Variants in EBF1 observed in about 807,000 individuals in gnomAD.
The protein encoded by EBF1 is transcription factor COE1.
A neutral mutation model predicts 68.4 loss-of-function variants in EBF1; 10 were observed. The ratio of observed to expected loss-of-function variants is 0.15; its 90% confidence interval spans 0.09 to 0.25. The LOEUF is 0.25. Ranked by LOEUF, EBF1 falls within the 10% of genes least tolerant of loss-of-function variation. EBF1 has a pLI of 1.00. For synonymous variants in EBF1, 298 were observed against 299.8 expected (o/e 0.99, Z 0.06); for missense variants, 509 against 794.4 (o/e 0.64, Z 4.32).
At chr5:159,004,729 A>C (rs536479139) in intron 6 of EBF1, among the ~76,000 whole-genome samples, 1 of 152,292 alleles carries the variant, frequency 6.6e-6, no homozygotes, top group Non-Finnish European at 1.5e-5. Context: ...ACTGAATGTC[A>C]CATTATCTCA....
intron 10 of EBF1, among the ~76,000 whole-genome samples, chr5:158,759,524 T>C (rs1272831924): frequency 6.6e-6 from 1 of 152,178 alleles, no homozygotes; most frequent in African/African-American, 2.4e-5. Context: ...GTGAATCTTC[T>C]GGGCAAATGA....
chr5:158,940,204 C>T (rs920154252), intron 6 of EBF1, among the ~76,000 whole-genome samples: 2 of 152,186 alleles, frequency 1.3e-5, no homozygotes, highest in African/African-American at 4.8e-5. Flanking sequence ...TGTGATGGAT[C>T]CTGCAAACTG....
chr5:158,839,215 A>C lies in EBF1; in HGVS notation c.636+814T>G, dbSNP rs148458210. On this transcript the variant is annotated intron_variant, in intron 7 of 15. Coordinates refer to ENST00000313708, the MANE Select transcript of EBF1 (RefSeq NM_024007.5). ...ACAGAATTGTTATCCATATCATTTT[A>C]GAGATGTTATGCTTCTTAACAGGGC... 2.3e-3 allele frequency among the ~76,000 whole-genome samples: 355 copies of C among 152,370 alleles called. 1 individual carries two copies. Among genetic ancestry groups the C allele is most frequent in the African/African-American group, 7.9e-3 (330 of 41,586 alleles).
intron 8 of EBF1, among the ~76,000 whole-genome samples, chr5:158,810,296 T>C (rs1782416620): frequency 6.6e-6 from 1 of 152,138 alleles, no homozygotes; most frequent in African/African-American, 2.4e-5. Context: ...ACATAGTAGG[T>C]GCTCAGTATC....
chr5:159,006,216 A>G (rs1378847235), intron 6 of EBF1, among the ~76,000 whole-genome samples: 1 of 152,198 alleles, frequency 6.6e-6, no homozygotes, highest in Non-Finnish European at 1.5e-5. Context: ...AGGACAATCA[A>G]ACTGAAAGAG....
intron 9 of EBF1, among the ~76,000 whole-genome samples, chr5:158,792,075 T>A (rs1400513848): frequency 3.9e-5 from 6 of 152,066 alleles, no homozygotes; most frequent in Non-Finnish European, 8.8e-5. Context: ...GCGGCTCTGG[T>A]CAAGAAAAAT....
At chr5:159,097,515 C>T (rs1584603417) in intron 1 of EBF1, 1 of 258,322 alleles carries the variant, frequency 3.9e-6, no homozygotes, top group East Asian at 5.8e-5. Context: ...AGTTATATTC[C>T]GGCACCCCTC....
intron 6 of EBF1, among the ~76,000 whole-genome samples, chr5:158,928,055 TCCAG>T (rs1311875676): frequency 6.6e-6 from 1 of 152,174 alleles, no homozygotes; most frequent in African/African-American, 2.4e-5. Flanking sequence ...TCCTACTATC[TCCAG>T]CCAGAGGCCT....
chr5:158,783,291 A>G (rs1776771761), intron 9 of EBF1, among the ~76,000 whole-genome samples: 1 of 152,218 alleles, frequency 6.6e-6, no homozygotes, highest in African/African-American at 2.4e-5. Flanking sequence ...AAAGTAGAAT[A>G]ACATCAGTTT....
chr5:159,011,609 A>C (rs1764676617), intron 6 of EBF1, among the ~76,000 whole-genome samples: 1 of 152,194 alleles, frequency 6.6e-6, no homozygotes, highest in Non-Finnish European at 1.5e-5. Flanking sequence ...TAAAAAGCCT[A>C]TTTTGAGAAA....
At chr5:159,046,141 C>A (rs1772342894) in intron 6 of EBF1, among the ~76,000 whole-genome samples, 1 of 152,194 alleles carries the variant, frequency 6.6e-6, no homozygotes, top group African/African-American at 2.4e-5. Flanking sequence ...CTTTCCATGA[C>A]CCCCACACAG....
chr5:158,696,145 G>A lies in EBF1; in HGVS notation c.*2966C>T, dbSNP rs1755723984. The A allele has an allele frequency of 4.6e-6, 1 of 218,374 alleles. No individual in the cohort carries two copies. Among genetic ancestry groups the A allele is most frequent in the Non-Finnish European group, 9.2e-6 (1 of 108,674 alleles). 13.5% of individuals were successfully genotyped at this position (218,374 alleles called of 1,614,324 possible). The stretch of plus-strand genomic sequence containing the variant: ...TAAGCTGCATCCTAGTACAATGTGA[G>A]GCCAGGGCAATGTTATGCAATCCAG... On this transcript the variant is annotated 3_prime_UTR_variant, in exon 16 of 16. Transcript: ENST00000313708.
chr5:158,706,022 G>A (rs752052045), intron 15 of EBF1, among the ~76,000 whole-genome samples: 3 of 152,090 alleles, frequency 2.0e-5, no homozygotes, highest in Non-Finnish European at 4.4e-5. Flanking sequence ...AGTTATATTC[G>A]CTCAAGCATT....
chr5:158,838,812 T>C (rs1440915569), intron 7 of EBF1, among the ~76,000 whole-genome samples: 3 of 152,224 alleles, frequency 2.0e-5, no homozygotes. Context: ...CCATGCTGTT[T>C]CCTTGATGGA....
Position 159,084,652 on chromosome 5 carries a change from A to C in EBF1, c.485+14T>G. The stretch of plus-strand genomic sequence containing the variant: ...TCTTTGCTAATTAACGGGAGAGACC[A>C]AGATATTTCTTACCTGCACATGATC... On this transcript the variant is annotated intron_variant, in intron 5 of 15. Coordinates refer to ENST00000313708, the MANE Select transcript of EBF1 (RefSeq NM_024007.5). 1 of 1,554,368 alleles carries C rather than the reference A, an allele frequency of 6.4e-7. No individual in the cohort carries two copies. The highest frequency in any genetic ancestry group is 2.3e-5 in the East Asian group (1 of 43,390).
chr5:158,842,399 G>A (rs989008493), intron 6 of EBF1, among the ~76,000 whole-genome samples: 8 of 152,140 alleles, frequency 5.3e-5, no homozygotes, highest in African/African-American at 1.4e-4. Context: ...CAGTTAGAAG[G>A]GCATATTTCA....
chr5:158,839,472 T>C (rs1789675385), intron 7 of EBF1, among the ~76,000 whole-genome samples: 1 of 152,184 alleles, frequency 6.6e-6, no homozygotes, highest in African/African-American at 2.4e-5. Context: ...AACCTCCAAC[T>C]CCCGGGTTCA....
At chr5:158,786,787 C>T (rs1777537159) in intron 9 of EBF1, among the ~76,000 whole-genome samples, 1 of 152,136 alleles carries the variant, frequency 6.6e-6, no homozygotes, top group Non-Finnish European at 1.5e-5. Flanking sequence ...TTGTTATCAA[C>T]ATTGGCAATT....
At chr5:158,911,223 A>G (rs957595496) in intron 6 of EBF1, among the ~76,000 whole-genome samples, 1 of 152,076 alleles carries the variant, frequency 6.6e-6, no homozygotes, top group Admixed American at 6.5e-5. Context: ...TAAATGTAAC[A>G]CCCATTTTGT....
Sources: allele counts gnomAD v4.1 joint callset (sites outside exome capture counted in the v4.1 genomes callset), GRCh38; gene constraint gnomAD v4.1.1; transcripts MANE v1.5; gene names NCBI Gene and HGNC (gene_info 2026-07-23, HGNC 2026-07-21).